Variants in IDO2 observed in about 807,000 individuals in gnomAD.
The protein encoded by IDO2 is indoleamine 2,3-dioxygenase 2.
Under a neutral mutation model 45.1 loss-of-function variants are expected in IDO2, and 46 were observed. That is an observed-to-expected ratio of 1.02 (90% CI 0.80 to 1.30). The LOEUF is 1.30. Ranked by LOEUF, IDO2 falls within the 50% of genes most tolerant of loss-of-function variation. IDO2 has a pLI of 0.00. For synonymous variants in IDO2, 218 were observed against 184.9 expected, an observed-to-expected ratio of 1.18 and a Z score of -1.45; for missense variants, 544 against 491.8, an observed-to-expected ratio of 1.11 and a Z score of -1.00.
At chr8:39,996,589 A>T (rs1347464841) in intron 8 of IDO2, among the ~76,000 whole-genome samples, 1 of 151,536 alleles carries the variant, frequency 6.6e-6, no homozygotes, top group Non-Finnish European at 1.5e-5. Context: ...CTTTTATTCT[A>T]TCTCTTTGTC....
rs374710886 is a variant in IDO2 at position 39,985,716 on chromosome 8, T to G, written c.449+194T>G. 3 of 575,230 alleles carry G rather than the reference T, an allele frequency of 5.2e-6. No homozygotes were observed. The African/African-American group carries it at 5.7e-5, about 11-fold the overall frequency. The allele number at this position is 575,230 out of a possible 1,614,324, so 35.6% of individuals were successfully genotyped here. ...AATTTAACAGTGATTGCCTCTTCCT[T>G]GTATAGATAAGGGATTTTTTTTTAC... On this transcript the variant is annotated intron_variant, in intron 6 of 10. Transcript: ENST00000502986.
intron 8 of IDO2, among the ~76,000 whole-genome samples, chr8:39,993,760 A>G (rs965886589): frequency 6.6e-6 from 1 of 152,218 alleles, no homozygotes; most frequent in East Asian, 1.9e-4. Context: ...CTGTAATCCC[A>G]GCACACTGAG....
intron 8 of IDO2, chr8:39,997,789 T>C (rs1802071732): frequency 1.3e-5 from 2 of 153,324 alleles, no homozygotes; most frequent in African/African-American, 4.8e-5. Flanking sequence ...CACCAGTCGT[T>C]GTCTTCTGAT....
chr8:39,940,171 A>T (rs11773975), intron 1 of IDO2, among the ~76,000 whole-genome samples: 64,100 of 151,970 alleles, frequency 0.42, 13,713 homozygotes, highest in East Asian at 0.59. Flanking sequence ...TACAGCCCTG[A>T]GTTTCTTACT....
chr8:39,982,177 C>T (rs1213995429), intron 4 of IDO2, among the ~76,000 whole-genome samples: 1 of 151,830 alleles, frequency 6.6e-6, no homozygotes, highest in African/African-American at 2.4e-5. Context: ...ATCTATCTAG[C>T]TAGCTATCAT....
intron 1 of IDO2, among the ~76,000 whole-genome samples, chr8:39,940,570 G>C (rs1807627549): frequency 6.6e-6 from 1 of 152,144 alleles, no homozygotes; most frequent in Non-Finnish European, 1.5e-5. Flanking sequence ...TAAAAGATAA[G>C]TGGGGTTCCT....
chr8:39,971,681 G>A (rs2129594113), intron 3 of IDO2, among the ~76,000 whole-genome samples: 1 of 152,350 alleles, frequency 6.6e-6, no homozygotes, highest in Admixed American at 6.5e-5. Context: ...CCTCATGGAT[G>A]ACTTTGAGGG....
intron 8 of IDO2, among the ~76,000 whole-genome samples, chr8:40,002,654 A>G (rs1210940083): frequency 6.6e-6 from 1 of 152,028 alleles, no homozygotes; most frequent in East Asian, 1.9e-4. Flanking sequence ...GACGTTGGGC[A>G]CTTGAATTCT....
intron 1 of IDO2, among the ~76,000 whole-genome samples, chr8:39,939,660 G>GAA (rs1807614413): frequency 6.7e-6 from 1 of 148,416 alleles, no homozygotes; most frequent in Admixed American, 6.8e-5. Context: ...AATAAAGAAG[G>GAA]ATAGATGTCA....
chr8:39,957,400 C>A (rs1807921026), intron 2 of IDO2, among the ~76,000 whole-genome samples: 1 of 151,980 alleles, frequency 6.6e-6, no homozygotes, highest in African/African-American at 2.4e-5. Flanking sequence ...TCACATGAGG[C>A]CAGGAGTTTG....
At chr8:40,015,332 G>A (rs1563444881) in exon 11 of IDO2, 3 of 1,613,778 alleles carry the variant, frequency 1.9e-6, no homozygotes, top group Non-Finnish European at 2.5e-6. Flanking sequence ...CTTCCCTGAG[G>A]GACTACATCC....
At chr8:39,984,406 C>T (rs1419123892) in intron 5 of IDO2, among the ~76,000 whole-genome samples, 2 of 152,170 alleles carry the variant, frequency 1.3e-5, no homozygotes, top group African/African-American at 4.8e-5. Context: ...ACCTGGGAGG[C>T]AGAGGTTGCA....
chr8:40,008,599 A>C (rs1802258289), intron 9 of IDO2, among the ~76,000 whole-genome samples: 1 of 152,204 alleles, frequency 6.6e-6, no homozygotes. Flanking sequence ...AAGAATTATG[A>C]TAAGAATCTT....
In IDO2 at chr8:40,010,484, A is replaced by G. The variant is rs147781136; in HGVS notation, c.720-3081A>G. On this transcript the variant is annotated intron_variant, in intron 9 of 10. Coordinates refer to ENST00000502986, the Ensembl canonical transcript of IDO2. Reference sequence around the variant, plus strand: ...ACAATGTGATCTGCCTTCAGTTGCAAATCATCTCTGTATTGACTGAGTAGG... The same window carrying G: ...ACAATGTGATCTGCCTTCAGTTGCAGATCATCTCTGTATTGACTGAGTAGG... 7.2e-3 allele frequency among the ~76,000 whole-genome samples: 1,090 copies of G among 152,326 alleles called. 13 individuals carry two copies. Among genetic ancestry groups the G allele is most frequent in the African/African-American group, 0.024 (1,011 of 41,572 alleles).
chr8:39,983,788 C>A (rs757804105), intron 5 of IDO2, among the ~76,000 whole-genome samples: 5 of 151,848 alleles, frequency 3.3e-5, no homozygotes, highest in Admixed American at 6.6e-5. Context: ...ATTGCTTGAA[C>A]GAAGGAAGTA....
chr8:39,977,370 C>T (rs2129594305), intron 3 of IDO2, among the ~76,000 whole-genome samples: 1 of 152,308 alleles, frequency 6.6e-6, no homozygotes, highest in Admixed American at 6.5e-5. Context: ...TGTTATAATG[C>T]TCACCTGGTT....
exon 7 of IDO2, chr8:39,987,882 C>A: frequency 6.2e-7 from 1 of 1,606,690 alleles, no homozygotes; most frequent in Non-Finnish European, 8.5e-7. Context: ...AACCTGGAGA[C>A]CATCATCTCA....
intron 1 of IDO2, among the ~76,000 whole-genome samples, chr8:39,944,928 A>C (rs1461271619): frequency 6.6e-6 from 1 of 152,208 alleles, no homozygotes; most frequent in East Asian, 1.9e-4. Context: ...TCTAGCATCT[A>C]TTAGCTATGT....
chr8:39,977,341 G>A (rs1369043490), intron 3 of IDO2, among the ~76,000 whole-genome samples: 1 of 152,322 alleles, frequency 6.6e-6, no homozygotes, highest in African/African-American at 2.4e-5. Flanking sequence ...AATTTAAAAT[G>A]TACTTAATAA....
Sources: gnomAD v4.1 joint callset for allele counts (sites outside exome capture counted in the v4.1 genomes callset) on GRCh38, gnomAD v4.1.1 for gene constraint, MANE v1.5 for transcripts, NCBI Gene and HGNC (gene_info 2026-07-23, HGNC 2026-07-21) for gene names.